IGF2BP3: variants seen among roughly 807,000 people sequenced by gnomAD.
IGF2BP3 encodes the protein insulin-like growth factor 2 mRNA-binding protein 3.
IGF2BP3 carries 9 observed loss-of-function variants against 73.8 expected under a neutral mutation model. The ratio of observed to expected loss-of-function variants is 0.12; its 90% CI spans 0.07 to 0.21. The LOEUF (loss-of-function observed/expected upper bound fraction) is 0.21, where lower values mean the gene tolerates loss of function less well. Among genes scored for constraint, IGF2BP3 ranks in the 10% least tolerant of loss-of-function variants. The pLI, the probability that IGF2BP3 is intolerant of heterozygous loss-of-function variation, is 1.00. For missense variants in IGF2BP3, 542 were observed against 714.0 expected, an observed-to-expected ratio of 0.76 and a Z score of 2.75; for synonymous variants, 258 against 256.7, an observed-to-expected ratio of 1.01 and a Z score of -0.05.
chr7:23,371,049 A>T (rs1005396647), intron 3 of IGF2BP3, among the ~76,000 whole-genome samples: 2 of 152,170 alleles, frequency 1.3e-5, no homozygotes, highest in Non-Finnish European at 2.9e-5. Flanking sequence ...TATACAAAAG[A>T]TATAGAAGTG....
chr7:23,415,019 G>C (rs146845826), intron 3 of IGF2BP3: 1 of 199,216 alleles, frequency 5.0e-6, no homozygotes, highest in African/African-American at 2.4e-5. Context: ...TGGTATCACC[G>C]CATCACCAGG....
chr7:23,375,023 A>T (rs1261530524), intron 3 of IGF2BP3, among the ~76,000 whole-genome samples: 2 of 152,190 alleles, frequency 1.3e-5, no homozygotes, highest in Non-Finnish European at 2.9e-5. Context: ...AGGTATGTGT[A>T]TATGCTCATA....
chr7:23,334,247 G>A (rs796296496), intron 10 of IGF2BP3, among the ~76,000 whole-genome samples: 19 of 152,250 alleles, frequency 1.2e-4, no homozygotes, highest in East Asian at 5.8e-4. Context: ...AGAATCGCTC[G>A]AATCTGGGAG....
chr7:23,397,681 T>G (rs1374744266), intron 3 of IGF2BP3, among the ~76,000 whole-genome samples: 5 of 152,230 alleles, frequency 3.3e-5, no homozygotes, highest in Non-Finnish European at 7.3e-5. Flanking sequence ...GAACTTTATC[T>G]TAATGTATTT....
At chr7:23,444,424 C>T (rs889085294) in intron 2 of IGF2BP3, among the ~76,000 whole-genome samples, 5 of 152,058 alleles carry the variant, frequency 3.3e-5, no homozygotes, top group Non-Finnish European at 7.4e-5. Flanking sequence ...TATTCCCTAT[C>T]CCACCTTCCA....
At chr7:23,397,044 A>T (rs529406448) in intron 3 of IGF2BP3, among the ~76,000 whole-genome samples, 2 of 152,324 alleles carry the variant, frequency 1.3e-5, no homozygotes, top group African/African-American at 4.8e-5. Context: ...CCTGTCTTCC[A>T]TTCGACTATT....
intron 2 of IGF2BP3, among the ~76,000 whole-genome samples, chr7:23,423,965 A>T (rs189865429): frequency 1.3e-5 from 2 of 152,152 alleles, no homozygotes; most frequent in African/African-American, 4.8e-5. Flanking sequence ...TAAAAACATA[A>T]AAATTAGCTG....
At chr7:23,330,210 T>C (rs975694852) in intron 10 of IGF2BP3, among the ~76,000 whole-genome samples, 4 of 151,794 alleles carry the variant, frequency 2.6e-5, no homozygotes, top group African/African-American at 7.3e-5. Context: ...GGCTTGAACC[T>C]GGGAGGCGGA....
intron 2 of IGF2BP3, among the ~76,000 whole-genome samples, chr7:23,432,384 T>C (rs777542516): frequency 6.6e-6 from 1 of 152,240 alleles, no homozygotes; most frequent in Admixed American, 6.5e-5. Flanking sequence ...CCTTAGGACA[T>C]GTGCAAGTTA....
chr7:23,457,926 A>T (rs1164520723), intron 2 of IGF2BP3, among the ~76,000 whole-genome samples: 1 of 152,248 alleles, frequency 6.6e-6, no homozygotes, highest in Non-Finnish European at 1.5e-5. Context: ...ATACATGCTC[A>T]TTGTAAATTA....
chr7:23,340,452 G>A (rs1784679797), intron 10 of IGF2BP3, among the ~76,000 whole-genome samples: 2 of 152,132 alleles, frequency 1.3e-5, no homozygotes, highest in African/African-American at 2.4e-5. Flanking sequence ...GGGACAATCT[G>A]AGCCATCTGT....
At chr7:23,368,947 T>C (rs1785467775) in intron 3 of IGF2BP3, among the ~76,000 whole-genome samples, 1 of 151,560 alleles carries the variant, frequency 6.6e-6, no homozygotes, top group Admixed American at 6.6e-5. Flanking sequence ...ACACTTTAAA[T>C]GGTGAATTGC....
chr7:23,381,464 A>G (rs1460861164), intron 3 of IGF2BP3, among the ~76,000 whole-genome samples: 1 of 152,210 alleles, frequency 6.6e-6, no homozygotes, highest in African/African-American at 2.4e-5. Context: ...AAAGTTGATA[A>G]ATTTTGAAGC....
chr7:23,418,739 A>G (rs774071517), intron 3 of IGF2BP3, 37 bp downstream of exon 3: 12 of 1,370,674 alleles, frequency 8.8e-6, no homozygotes, highest in Non-Finnish European at 1.0e-5. Flanking sequence ...ATAGGCTTCC[A>G]TACTTAGATC....
chr7:23,423,339 T>C (rs534379348), intron 2 of IGF2BP3, among the ~76,000 whole-genome samples: 7 of 152,366 alleles, frequency 4.6e-5, no homozygotes, highest in Admixed American at 2.0e-4. Flanking sequence ...TACTGCTTCT[T>C]TGGTCATGTT....
intron 3 of IGF2BP3, among the ~76,000 whole-genome samples, chr7:23,382,072 A>G (rs2128517452): frequency 6.6e-6 from 1 of 152,174 alleles, no homozygotes; most frequent in Admixed American, 6.5e-5. Flanking sequence ...CAACATAGGA[A>G]GACCCCATCT....
intron 2 of IGF2BP3, among the ~76,000 whole-genome samples, chr7:23,457,297 C>T (rs1788344912): frequency 6.6e-6 from 1 of 151,862 alleles, no homozygotes; most frequent in Non-Finnish European, 1.5e-5. Flanking sequence ...AACTCCGTCT[C>T]TACCAAAAAA....
At position 23,445,493 on chromosome 7, in the gene IGF2BP3, G is replaced by A. The variant is rs1007454825; in HGVS notation, c.236+22989C>T. On this transcript the variant is annotated intron_variant, in intron 2 of 14. Coordinates refer to ENST00000258729, the MANE Select transcript of IGF2BP3 (RefSeq NM_006547.3). ...CTACGGGTGTTTCGTATACACTATA[G>A]AGTATTACTTAGTATGACTAAGTAA... is the stretch of plus-strand genomic sequence containing the variant. 2.0e-5 allele frequency among the ~76,000 whole-genome samples: 3 copies of A among 151,520 alleles called. No individual in the cohort carries two copies. In the East Asian group the frequency reaches 5.8e-4, roughly 29 times the overall value.
chr7:23,411,858 C>T (rs768451848), intron 3 of IGF2BP3, among the ~76,000 whole-genome samples: 1 of 152,098 alleles, frequency 6.6e-6, no homozygotes, highest in Non-Finnish European at 1.5e-5. Flanking sequence ...CCACGGCTTA[C>T]AGTGGGGTCT....
Sources: gnomAD v4.1 joint callset for allele counts (sites outside exome capture counted in the v4.1 genomes callset) on GRCh38, gnomAD v4.1.1 for gene constraint, MANE v1.5 for transcripts, NCBI Gene and HGNC (gene_info 2026-07-23, HGNC 2026-07-21) for gene names.